Variants in NXPE2 observed in about 807,000 individuals in gnomAD.
NXPE2 encodes the protein NXPE family member 2.
In NXPE2, 34 loss-of-function variants were observed where a neutral mutation model predicts 34.4. The observed-to-expected ratio is 0.99, with a 90% CI of 0.75 to 1.31. The LOEUF (loss-of-function observed/expected upper bound fraction) is 1.31, where lower values mean the gene tolerates loss of function less well. NXPE2 is among the 40% of genes most tolerant of loss of function. NXPE2 has a pLI of 0.00. For missense variants in NXPE2, 649 were observed against 672.5 expected, an observed-to-expected ratio of 0.97 and a Z score of 0.39; for synonymous variants, 235 against 231.3, an observed-to-expected ratio of 1.02 and a Z score of -0.15.
At chr11:114,580,473 T>A in the NXPE2 span, 4 of 682,822 alleles carry the variant, frequency 5.9e-6, no homozygotes, top group Admixed American at 1.1e-4. Context: ...ATTACTGAAG[T>A]ATTCTCTTAA....
the NXPE2 span, among the ~76,000 whole-genome samples, chr11:114,651,547 T>C: frequency 6.6e-6 from 1 of 152,232 alleles, no homozygotes; most frequent in Admixed American, 6.5e-5. Context: ...AGATTGCCAC[T>C]GCTGGCTTTG....
the NXPE2 span, among the ~76,000 whole-genome samples, chr11:114,601,614 TA>T: frequency 3.5e-3 from 4 of 1,152 alleles, no homozygotes; most frequent in Admixed American, 0.065. Context: ...TATATATAAT[TA>T]TATATTATAT....
At chr11:114,624,111 G>A in the NXPE2 span, among the ~76,000 whole-genome samples, 3 of 151,984 alleles carry the variant, frequency 2.0e-5, no homozygotes, top group Non-Finnish European at 4.4e-5. Context: ...TTTATGTCGT[G>A]GGTAACCACT....
the NXPE2 span, among the ~76,000 whole-genome samples, chr11:114,552,698 T>C: frequency 6.6e-6 from 1 of 152,120 alleles, no homozygotes; most frequent in Admixed American, 6.5e-5. Flanking sequence ...TCTCATCTGA[T>C]TCATTTTTCC....
At chr11:114,586,191 CCT>C in the NXPE2 span, among the ~76,000 whole-genome samples, 2 of 152,174 alleles carry the variant, frequency 1.3e-5, no homozygotes, top group Non-Finnish European at 2.9e-5. Context: ...ACTTAAATCC[CCT>C]GTCTCTACAG....
At chr11:114,526,067 G>A in the NXPE2 span, among the ~76,000 whole-genome samples, 1 of 152,124 alleles carries the variant, frequency 6.6e-6, no homozygotes, top group Non-Finnish European at 1.5e-5. Context: ...GCAGAAGAGT[G>A]GGTCAAAGAT....
the NXPE2 span, among the ~76,000 whole-genome samples, chr11:114,760,172 T>A: frequency 6.6e-6 from 1 of 152,132 alleles, no homozygotes; most frequent in East Asian, 1.9e-4. Flanking sequence ...GTGGCACTGT[T>A]GGGAGGTGAT....
the NXPE2 span, among the ~76,000 whole-genome samples, chr11:114,504,847 A>G: frequency 1.3e-5 from 2 of 152,202 alleles, no homozygotes; most frequent in African/African-American, 4.8e-5. Flanking sequence ...GGATAGCATC[A>G]TCTCTCTAGC....
the NXPE2 span, among the ~76,000 whole-genome samples, chr11:114,739,527 A>G: frequency 1.3e-5 from 2 of 151,998 alleles, no homozygotes; most frequent in Non-Finnish European, 2.9e-5. Context: ...ATGTTTTAAT[A>G]TATGTACACA....
At chr11:114,552,555 A>T in the NXPE2 span, among the ~76,000 whole-genome samples, 1 of 152,020 alleles carries the variant, frequency 6.6e-6, no homozygotes, top group Non-Finnish European at 1.5e-5. Context: ...TTTTCTCGGA[A>T]TGTACAAAAA....
chr11:114,805,774 C>T, the NXPE2 span, among the ~76,000 whole-genome samples: 1 of 152,206 alleles, frequency 6.6e-6, no homozygotes. Context: ...GGGGGCAGGG[C>T]ACAGACAAAC....
chr11:114,501,909 C>T, the NXPE2 span, among the ~76,000 whole-genome samples: 1 of 152,304 alleles, frequency 6.6e-6, no homozygotes, highest in Admixed American at 6.5e-5. Context: ...TTTGGGAAAT[C>T]TCTGTGCTGT....
At chr11:114,638,843 A>T in the NXPE2 span, among the ~76,000 whole-genome samples, 1 of 151,686 alleles carries the variant, frequency 6.6e-6, no homozygotes, top group South Asian at 2.1e-4. Context: ...TCAGTGGAGT[A>T]CCCAGCCGTG....
chr11:114,660,762 A>T, the NXPE2 span, among the ~76,000 whole-genome samples: 2 of 152,126 alleles, frequency 1.3e-5, no homozygotes, highest in Non-Finnish European at 2.9e-5. Context: ...TTAGAAAGAA[A>T]TAAAATAAAA....
At chr11:114,796,708 T>C in the NXPE2 span, among the ~76,000 whole-genome samples, 7 of 152,190 alleles carry the variant, frequency 4.6e-5, no homozygotes, top group Admixed American at 3.3e-4. Flanking sequence ...ACATTCCTGG[T>C]CCCTGCCTTC....
the NXPE2 span, among the ~76,000 whole-genome samples, chr11:114,585,298 G>A: frequency 1.3e-5 from 2 of 151,758 alleles, no homozygotes; most frequent in Admixed American, 6.6e-5. Flanking sequence ...TAATAAAATG[G>A]TATATTTCAT....
chr11:114,754,768 T>A, the NXPE2 span, among the ~76,000 whole-genome samples: 1 of 152,172 alleles, frequency 6.6e-6, no homozygotes, highest in Non-Finnish European at 1.5e-5. Flanking sequence ...CTGGCCTTAG[T>A]GTCGGAGCAA....
the NXPE2 span, among the ~76,000 whole-genome samples, chr11:114,470,227 G>A: frequency 6.5e-3 from 990 of 152,142 alleles, 12 homozygotes; most frequent in Non-Finnish European, 0.012. Flanking sequence ...GGAATGGCTG[G>A]GTTATATGGT....
At chr11:114,653,746 T>A in the NXPE2 span, among the ~76,000 whole-genome samples, 2 of 152,000 alleles carry the variant, frequency 1.3e-5, no homozygotes, top group African/African-American at 4.8e-5. Flanking sequence ...GCCAGGATGG[T>A]CTTGATCTCC....
Sources: gnomAD v4.1 joint callset for allele counts (sites outside exome capture counted in the v4.1 genomes callset) on GRCh38, gnomAD v4.1.1 for gene constraint, MANE v1.5 for transcripts, NCBI Gene and HGNC (gene_info 2026-07-23, HGNC 2026-07-21) for gene names.